Variants in LINGO2 observed in about 807,000 individuals in gnomAD.
LINGO2 encodes leucine-rich repeat and immunoglobulin-like domain-containing nogo receptor-interacting protein 2.
A neutral mutation model predicts 30.6 loss-of-function variants in LINGO2; 14 were observed. That is an observed-to-expected ratio of 0.46 (90% CI 0.30 to 0.72). LINGO2 has a LOEUF of 0.72. Among genes scored for constraint, LINGO2 ranks in the 30% least tolerant of loss-of-function variants. The probability of loss-of-function intolerance (pLI) is 0.07; values close to 1 mark genes in which losing one functional copy is unlikely to be tolerated. For missense variants in LINGO2, 729 were observed against 751.7 expected (o/e 0.97, Z 0.35); for synonymous variants, 317 against 288.5 (o/e 1.10, Z -1.00).
At chr9:28,138,222 T>C (rs532101304) in intron 4 of LINGO2, among the ~76,000 whole-genome samples, 1 of 152,198 alleles carries the variant, frequency 6.6e-6, no homozygotes, top group Non-Finnish European at 1.5e-5. Context: ...CCCCAAAGAT[T>C]AAAGGCAAAA....
intron 4 of LINGO2, among the ~76,000 whole-genome samples, chr9:28,136,452 C>G (rs1827519627): frequency 1.3e-5 from 2 of 152,182 alleles, no homozygotes; most frequent in Admixed American, 1.3e-4. Context: ...AGAATCACTC[C>G]ACTTTTTGTA....
the LINGO2 span, among the ~76,000 whole-genome samples, chr9:28,989,499 T>C: frequency 0.23 from 34,797 of 151,996 alleles, 4,073 homozygotes; most frequent in East Asian, 0.34. Flanking sequence ...GAAAGGATAT[T>C]AGACTAGAAT....
chr9:28,275,432 C>T (rs1823083472), intron 4 of LINGO2, among the ~76,000 whole-genome samples: 1 of 152,058 alleles, frequency 6.6e-6, no homozygotes, highest in Non-Finnish European at 1.5e-5. Context: ...TCTTCACAGC[C>T]TTTTAAATCC....
At chr9:28,060,656 A>G (rs1354148618) in intron 4 of LINGO2, among the ~76,000 whole-genome samples, 1 of 152,134 alleles carries the variant, frequency 6.6e-6, no homozygotes, top group African/African-American at 2.4e-5. Context: ...TGTGTGCTCC[A>G]TATGTAGAGA....
At chr9:28,583,027 T>C (rs943493173) in intron 1 of LINGO2, among the ~76,000 whole-genome samples, 3 of 151,976 alleles carry the variant, frequency 2.0e-5, no homozygotes, top group Admixed American at 1.3e-4. Context: ...GGACAATCAT[T>C]AAATGAGGGA....
intron 1 of LINGO2, among the ~76,000 whole-genome samples, chr9:28,574,339 T>C (rs1823849819): frequency 6.6e-6 from 1 of 152,208 alleles, no homozygotes; most frequent in South Asian, 2.1e-4. Context: ...CTGAAGGGAA[T>C]TTGTCACCCA....
the LINGO2 span, among the ~76,000 whole-genome samples, chr9:29,046,167 G>A: frequency 6.6e-6 from 1 of 152,116 alleles, no homozygotes; most frequent in Non-Finnish European, 1.5e-5. Context: ...TCCAGTACTA[G>A]GTTGAATAGA....
the LINGO2 span, among the ~76,000 whole-genome samples, chr9:28,907,471 A>C: frequency 6.6e-6 from 1 of 151,788 alleles, no homozygotes; most frequent in Non-Finnish European, 1.5e-5. Context: ...TCTAATGAGA[A>C]GTAGAGGGAG....
intron 1 of LINGO2, among the ~76,000 whole-genome samples, chr9:28,504,391 A>C (rs1820015214): frequency 6.6e-6 from 1 of 151,770 alleles, no homozygotes; most frequent in South Asian, 2.1e-4. Flanking sequence ...ATGGTATATA[A>C]ACATACCGTG....
the LINGO2 span, among the ~76,000 whole-genome samples, chr9:28,901,669 A>T: frequency 1.3e-5 from 2 of 151,750 alleles, no homozygotes; most frequent in South Asian, 4.2e-4. Flanking sequence ...TTTTACATAA[A>T]CCTCACAATA....
the LINGO2 span, among the ~76,000 whole-genome samples, chr9:28,795,695 C>A: frequency 6.6e-6 from 1 of 151,884 alleles, no homozygotes; most frequent in Non-Finnish European, 1.5e-5. Flanking sequence ...CATGTTAATT[C>A]TTGCCTGAGT....
intron 4 of LINGO2, among the ~76,000 whole-genome samples, chr9:28,223,363 C>T (rs1476921197): frequency 6.6e-6 from 1 of 152,110 alleles, no homozygotes; most frequent in Non-Finnish European, 1.5e-5. Flanking sequence ...GGCATAAGGG[C>T]AAGAGAACCA....
At chr9:29,183,457 T>C in the LINGO2 span, among the ~76,000 whole-genome samples, 1 of 152,248 alleles carries the variant, frequency 6.6e-6, no homozygotes, top group East Asian at 1.9e-4. Flanking sequence ...TTCAACTTTA[T>C]TTTGGAGTTC....
At chr9:28,613,402 A>G (rs2135793817) in intron 1 of LINGO2, among the ~76,000 whole-genome samples, 1 of 152,140 alleles carries the variant, frequency 6.6e-6, no homozygotes, top group South Asian at 2.1e-4. Context: ...GTGTGTATAT[A>G]GCTACAGATA....
chr9:28,286,780 A>AG lies in LINGO2; in HGVS notation c.-87+8427dup, dbSNP rs781673871. Among the ~76,000 whole-genome samples the AG allele has an allele frequency of 6.8e-4, 104 of 152,106 alleles. 1 individual carries two copies. Among genetic ancestry groups the AG allele is most frequent in the Non-Finnish European group, 1.3e-3 (85 of 68,000 alleles). On this transcript the variant is annotated intron_variant, in intron 4 of 5. Coordinates refer to ENST00000379992, the Ensembl canonical transcript of LINGO2. The stretch of plus-strand genomic sequence containing the variant: ...ATAATGAGAACAAATGGTCACATAG[A>AG]GGGAAACAACACATAATGGGGCCTT...
exon 6 of LINGO2, chr9:27,948,312 T>C (rs1357006077): frequency 6.6e-6 from 1 of 152,630 alleles, no homozygotes; most frequent in Non-Finnish European, 1.5e-5. Flanking sequence ...CTCTCATTCA[T>C]ATTGCTTTAA....
the LINGO2 span, among the ~76,000 whole-genome samples, chr9:29,076,576 T>A: frequency 6.8e-6 from 1 of 146,636 alleles, no homozygotes; most frequent in African/African-American, 2.5e-5. Context: ...AATGAAAGCA[T>A]ATTACATATA....
the LINGO2 span, among the ~76,000 whole-genome samples, chr9:29,118,840 G>C: frequency 6.6e-6 from 1 of 152,244 alleles, no homozygotes; most frequent in South Asian, 2.1e-4. Context: ...TCCAGACTCT[G>C]AATCAGTCCT....
chr9:28,015,998 CAAAA>C (rs35234256), intron 4 of LINGO2, among the ~76,000 whole-genome samples: 24 of 122,406 alleles, frequency 2.0e-4, no homozygotes, highest in African/African-American at 7.4e-4. Context: ...GTAAAAGGGA[CAAAA>C]AAAAAAAAAA....
Sources: allele counts gnomAD v4.1 joint callset (sites outside exome capture counted in the v4.1 genomes callset), GRCh38; gene constraint gnomAD v4.1.1; transcripts MANE v1.5; gene names NCBI Gene and HGNC (gene_info 2026-07-23, HGNC 2026-07-21).